The following RAB26 variants were observed in gnomAD, a reference collection of about 807,000 sequenced individuals.
RAB26 encodes RAB26, member RAS oncogene family, also known as ras-related protein Rab-26.
A neutral mutation model predicts 33.1 loss-of-function variants in RAB26; 39 were observed. That is an observed-to-expected ratio of 1.18 (90% CI 0.91 to 1.54). The LOEUF (loss-of-function observed/expected upper bound fraction) is 1.54, where lower values mean the gene tolerates loss of function less well. Among genes scored for constraint, RAB26 ranks in the 40% most tolerant of loss-of-function variants. RAB26 has a pLI of 0.00. For missense variants in RAB26, 468 were observed against 362.9 expected, an observed-to-expected ratio of 1.29 and a Z score of -2.35; for synonymous variants, 192 against 151.9, an observed-to-expected ratio of 1.26 and a Z score of -1.94.
chr16:2,148,907 C>A lies in RAB26; in HGVS notation c.124C>A (p.Pro42Thr). Reference protein sequence around the residue: ...GTALSGPDAPPNGPLQPGRPS... With the variant: ...GTALSGPDAPTNGPLQPGRPS... ...TGCGCTTTCCGGCCCCGACGCGCCGCCCAACGGGCCCTTGCAGCCCGGCCG... is the reference window on the plus strand; with the variant it reads ...TGCGCTTTCCGGCCCCGACGCGCCGACCAACGGGCCCTTGCAGCCCGGCCG... The change falls in exon 1 of 9, where the codon CCC (proline) becomes ACC (threonine). Residue 42 changes from proline to threonine, a missense_variant. Physicochemically the swap from Pro to Thr is conservative, Grantham distance 38. Coordinates refer to ENST00000210187, the MANE Select transcript of RAB26 (RefSeq NM_014353.5). 1.5e-6 allele frequency: 2 copies of A among 1,324,028 alleles called. No homozygotes were observed. Among genetic ancestry groups the A allele is most frequent in the East Asian group, 3.1e-5 (1 of 32,420 alleles). The allele number at this position is 1,324,028 out of a possible 1,614,324, so 82.0% of individuals were successfully genotyped here.
chr16:2,148,996 C>T lies in RAB26; in HGVS notation c.195+18C>T. 1 of 1,271,496 alleles carries T rather than the reference C, an allele frequency of 7.9e-7. No individual in the cohort carries two copies. The highest frequency in any genetic ancestry group is 9.9e-7 in the Non-Finnish European group (1 of 1,008,392). 78.8% of individuals were successfully genotyped at this position (1,271,496 alleles called of 1,614,324 possible). On this transcript the variant is annotated intron_variant, in intron 1 of 8. Transcript: ENST00000210187. ...CCTTCAAGGTGAGCCAGGCACCCGC[C>T]CCCCAGGCCAGCGCAGCAGGTGGCG...
intron 8 of RAB26, 25 bp downstream of exon 8, chr16:2,153,247 T>G: frequency 6.2e-7 from 1 of 1,613,520 alleles, no homozygotes. Context: ...TCACCAGGAC[T>G]CCCCCAGCCC....
chr16:2,152,974 C>T lies in RAB26; in HGVS notation c.535-15C>T. On this transcript the variant is annotated splice_polypyrimidine_tract_variant and intron_variant, in intron 6 of 8. Transcript: ENST00000210187. ...CCATGGGCCAGCTTTCACCAAGACC[C>T]TGTGCCTGGGCCAGGTGGACTCTGC... 1 of 1,584,148 alleles carries T rather than the reference C, an allele frequency of 6.3e-7. No individual in the cohort carries two copies. The highest frequency in any genetic ancestry group is 1.3e-5 in the African/African-American group (1 of 74,426).
Position 2,148,936 on chromosome 16 carries a change from C to T in RAB26, c.153C>T (p.Pro51=). Residue 51 remains proline (P), a synonymous_variant, in exon 1 of 9, where the codon CCC becomes CCT. Transcript: ENST00000210187. ...PPNGPLQPGR[P]SLGGGVDFYD... is the part of the protein sequence containing the mutation. ...ACGGGCCCTTGCAGCCCGGCCGGCC[C>T]TCGCTTGGCGGCGGTGTCGACTTCT... The T allele has an allele frequency of 7.7e-7, 1 of 1,298,512 alleles. No individual in the cohort carries two copies. 80.4% of individuals were successfully genotyped at this position (1,298,512 alleles called of 1,614,324 possible).
chr16:2,149,415 G>A (rs1171555430), intron 1 of RAB26, among the ~76,000 whole-genome samples: 1 of 151,822 alleles, frequency 6.6e-6, no homozygotes, highest in Non-Finnish European at 1.5e-5. Flanking sequence ...GGGGCTGGGA[G>A]GACCATTTTG....
In RAB26 at chr16:2,153,029, G is replaced by A; in HGVS notation, c.575G>A (p.Gly192Glu). Residue 192 changes from glycine (G) to glutamate (E), a missense_variant, in exon 7 of 9, where the codon GGG (glycine) becomes GAG (glutamate). Coordinates refer to ENST00000210187, the MANE Select transcript of RAB26 (RefSeq NM_014353.5). ...AHERVVKRED[G>E]EKLAKEYGLP... ...GAGCGTGTGGTGAAGAGGGAGGACG[G>A]GGAGAAGCTGGCCAAGGTGAGTCAG... The A allele has an allele frequency of 1.2e-6, 2 of 1,603,690 alleles. No homozygotes were observed. The highest frequency in any genetic ancestry group is 1.7e-6 in the Non-Finnish European group (2 of 1,172,832).
rs1219055925 is a variant in RAB26 at position 2,149,993 on chromosome 16, T to A, written c.248T>A (p.Phe83Tyr). ...GVGKTCLLVR[F>Y]KDGAFLAGTF... The stretch of plus-strand genomic sequence containing the variant: ...GGGAAGACCTGTCTGCTGGTGCGAT[T>A]CAAGGATGGTGCTTTCCTGGCGGGG... Residue 83 changes from phenylalanine to tyrosine, a missense_variant, in exon 2 of 9, where the codon TTC becomes TAC. Physicochemically the swap from Phe to Tyr is conservative, Grantham distance 22. Transcript: ENST00000210187. The A allele has an allele frequency of 6.5e-7, 1 of 1,544,734 alleles. No individual in the cohort carries two copies. Among genetic ancestry groups the A allele is most frequent in the Non-Finnish European group, 8.7e-7 (1 of 1,143,784 alleles).
At chr16:2,152,266 C>T (rs1471765157) in intron 5 of RAB26, among the ~76,000 whole-genome samples, 4 of 152,150 alleles carry the variant, frequency 2.6e-5, no homozygotes, top group South Asian at 2.1e-4. Flanking sequence ...AAAAATTAGC[C>T]GGGCGTTTTG....
intron 2 of RAB26, among the ~76,000 whole-genome samples, chr16:2,150,755 G>A (rs1172666395): frequency 3.3e-5 from 5 of 152,220 alleles, no homozygotes; most frequent in Non-Finnish European, 7.3e-5. Flanking sequence ...GGTAAGAGGT[G>A]AGGCCATTTG....
chr16:2,148,649 T>TGCTGCCGCC lies in RAB26; in HGVS notation c.-133_-132insTGCCGCCGC, dbSNP rs1555463726. 2.6e-6 allele frequency: 1 copy of TGCTGCCGCC among 385,312 alleles called. No individual in the cohort carries two copies. The highest frequency in any genetic ancestry group is 1.1e-4 in the South Asian group (1 of 8,756). 23.9% of individuals were successfully genotyped at this position (385,312 alleles called of 1,614,324 possible). A position where few individuals can be genotyped will look rare whatever the true frequency, so the allele number is the denominator to read the frequency against. On this transcript the variant is annotated 5_prime_UTR_variant, in exon 1 of 9. Transcript: ENST00000210187. ...GGCGCGAGCCGGGCGCCCGGGATGATGCCGCCGCCGCCGCCGCCGCCGCCG... is the reference window on the plus strand; with the variant it reads ...GGCGCGAGCCGGGCGCCCGGGATGATGCTGCCGCCGCCGCCGCCGCCGCCGCCGCCGCCG...
upstream of RAB26, chr16:2,148,281 C>G (rs891366407): frequency 1.3e-5 from 2 of 152,464 alleles, no homozygotes; most frequent in African/African-American, 4.8e-5. Context: ...CCATGCGGGC[C>G]CTCTGCCCCA....
intron 2 of RAB26, 47 bp downstream of exon 2, chr16:2,150,098 C>T: frequency 1.4e-6 from 2 of 1,478,454 alleles, no homozygotes; most frequent in African/African-American, 1.4e-5. Context: ...CCCGCCGGTA[C>T]CCGAGCAGCA....
chr16:2,152,787 G>A (rs976676827), intron 5 of RAB26, 33 bp from the exon 6 acceptor site: 8 of 1,594,026 alleles, frequency 5.0e-6, no homozygotes, highest in Non-Finnish European at 6.8e-6. Context: ...AAGCCATGCA[G>A]GGAGCCCCAG....
rs922093192 is a variant in RAB26 at position 2,151,839 on chromosome 16, C to T, written c.416-17C>T. ...GTGCAGGTGATGGTGGATGTCCTCA[C>T]TGCCCTCTGTCCCCAGCTCTGCTGC... On this transcript the variant is annotated splice_polypyrimidine_tract_variant and intron_variant, in intron 4 of 8. Transcript: ENST00000210187. 2.5e-6 allele frequency: 4 copies of T among 1,613,990 alleles called. No homozygotes were observed. The highest frequency in any genetic ancestry group is 3.4e-6 in the Non-Finnish European group (4 of 1,180,046).
chr16:2,148,695 C>G lies in RAB26; in HGVS notation c.-89C>G. The G allele has an allele frequency of 8.8e-7, 1 of 1,131,144 alleles. No homozygotes were observed. Among genetic ancestry groups the G allele is most frequent in the Non-Finnish European group, 1.1e-6 (1 of 908,374 alleles). 70.1% of individuals were successfully genotyped at this position (1,131,144 alleles called of 1,614,324 possible). ...CGCCGCCGCCGCCAGGGGAAGGGTT[C>G]GGGTCCGGGTCGGGCTCGGCGGGCG... On this transcript the variant is annotated 5_prime_UTR_variant, in exon 1 of 9. Coordinates refer to ENST00000210187, the MANE Select transcript of RAB26 (RefSeq NM_014353.5).
At position 2,148,774 on chromosome 16, in the gene RAB26, C is replaced by G. The variant is rs1346929718; in HGVS notation, c.-10C>G. ...GGCTGCAGCGGGAGCACACTGAGCGCCCGCCCGCCATGTCCAGGAAGAAGA... is the reference window on the plus strand; with the variant it reads ...GGCTGCAGCGGGAGCACACTGAGCGGCCGCCCGCCATGTCCAGGAAGAAGA... On this transcript the variant is annotated 5_prime_UTR_variant, in exon 1 of 9. Coordinates refer to ENST00000210187, the MANE Select transcript of RAB26 (RefSeq NM_014353.5). 3.8e-6 allele frequency: 5 copies of G among 1,312,104 alleles called. No individual in the cohort carries two copies. Among genetic ancestry groups the G allele is most frequent in the Non-Finnish European group, 4.8e-6 (5 of 1,035,654 alleles). 81.3% of individuals were successfully genotyped at this position (1,312,104 alleles called of 1,614,324 possible).
Position 2,153,409 on chromosome 16 carries a change from C to A in RAB26, c.759C>A (p.Cys253Ter), listed in dbSNP as rs1030793395. ...AGAGGGAGGGTCGAGGGGCCTCCTG[C>A]TGCCGCCCTTGAACCTGGCTGAGCT... ...YVKREGRGAS[C>*]CRP The change falls in exon 9 of 9, where the codon TGC becomes TGA. Residue 253 changes from cysteine to a stop codon, truncating the protein, a stop_gained. Transcript: ENST00000210187. LOFTEE classifies it high-confidence loss of function. 6.2e-7 allele frequency: 1 copy of A among 1,613,400 alleles called. No homozygotes were observed. Among genetic ancestry groups the A allele is most frequent in the Non-Finnish European group, 8.5e-7 (1 of 1,180,008 alleles).
Position 2,153,642 on chromosome 16 carries a change from GTCT to G in RAB26, c.*225_*227del. Reference sequence around the variant, plus strand: ...GCACACTGGCCGCCACGGAAAAGCAGTCTTCTGCACGGGACGGGGAGCGGCAAG... The same window carrying G: ...GCACACTGGCCGCCACGGAAAAGCAGTCTGCACGGGACGGGGAGCGGCAAG... On this transcript the variant is annotated 3_prime_UTR_variant, in exon 9 of 9. Transcript: ENST00000210187. 1.5e-6 allele frequency: 1 copy of G among 666,756 alleles called. No homozygotes were observed. Among genetic ancestry groups the G allele is most frequent in the Non-Finnish European group, 2.7e-6 (1 of 364,568 alleles). 41.3% of individuals were successfully genotyped at this position (666,756 alleles called of 1,614,324 possible).
At chr16:2,150,175 C>A in intron 2 of RAB26, 124 bp downstream of exon 2, 2 of 793,092 alleles carry the variant, frequency 2.5e-6, no homozygotes, top group Non-Finnish European at 3.9e-6. Context: ...CCTGCCTCGA[C>A]CTTCCAACAC....
Sources: allele counts gnomAD v4.1 joint callset (sites outside exome capture counted in the v4.1 genomes callset), GRCh38; gene constraint gnomAD v4.1.1; transcripts MANE v1.5; gene names NCBI Gene and HGNC (gene_info 2026-07-23, HGNC 2026-07-21).